Variants in HDGF observed in about 807,000 individuals in gnomAD.
HDGF encodes the protein heparin binding growth factor.
Under a neutral mutation model 30.0 loss-of-function variants are expected in HDGF, and 5 were observed. That is an observed-to-expected ratio of 0.17 (90% CI 0.09 to 0.35). The LOEUF (loss-of-function observed/expected upper bound fraction) is 0.35, where lower values mean the gene tolerates loss of function less well. HDGF is among the 10% of genes least tolerant of loss of function. HDGF has a pLI of 1.00. For missense variants in HDGF, 214 were observed against 302.8 expected (o/e 0.71, Z 2.18); for synonymous variants, 133 against 112.7 (o/e 1.18, Z -1.14).
In HDGF at chr1:156,751,053, T is replaced by A. The variant is rs948691578; in HGVS notation, c.87+290A>T. ...GGAGTATGGGGGCTGGGGGCGGAAC[T>A]GAGCACGCGGAGCTGGGGGCCGGGA... On this transcript the variant is annotated intron_variant, in intron 1 of 5. Coordinates refer to ENST00000357325, the MANE Select transcript of HDGF (RefSeq NM_004494.3). This position sits in a 1 kb window ranked among gnomAD's most constrained non-coding sequence, Gnocchi z 4.7. Among the ~76,000 whole-genome samples the A allele has an allele frequency of 6.6e-6, 1 of 151,764 alleles. No homozygotes were observed. The highest frequency in any genetic ancestry group is 1.5e-5 in the Non-Finnish European group (1 of 67,904).
intron 1 of HDGF, among the ~76,000 whole-genome samples, chr1:156,749,117 G>C (rs1457789988): frequency 3.9e-5 from 6 of 152,222 alleles, no homozygotes; most frequent in Non-Finnish European, 8.8e-5. Context: ...GGCAGGTCCT[G>C]CCTATCACGT....
upstream of HDGF, chr1:156,751,953 G>T: frequency 7.7e-7 from 1 of 1,294,884 alleles, no homozygotes; most frequent in Non-Finnish European, 1.1e-6. This position sits in a 1 kb window ranked among gnomAD's most constrained non-coding sequence, Gnocchi z 4.7. Flanking sequence ...CCCGCGGTCG[G>T]TGGGTGCCCG....
chr1:156,744,261 C>A lies in HDGF; in HGVS notation c.391G>T (p.Gly131Cys), dbSNP rs1650349817. 2 of 1,614,024 alleles carry A rather than the reference C, an allele frequency of 1.2e-6. No homozygotes were observed. The highest frequency in any genetic ancestry group is 2.7e-5 in the African/African-American group (2 of 74,914). Residue 131 changes from glycine to cysteine, a missense_variant, in exon 4 of 6, where the codon GGC becomes TGC. Physicochemically the swap from Gly to Cys is radical, Grantham distance 159. Around this residue, in one of 2 missense-constraint regions of HDGF, gnomAD observed 176 missense variants for 211.7 expected, o/e 0.83. Transcript: ENST00000357325. Reference sequence around the variant, plus strand: ...AGCTTCCCTTCCTCGTCGCTGCTGCCCTCTGCATTCCCCTTCTTATCACCG... The same window carrying A: ...AGCTTCCCTTCCTCGTCGCTGCTGCACTCTGCATTCCCCTTCTTATCACCG... Reference protein sequence around the residue: ...GDGDKKGNAEGSSDEEGKLVI... With the variant: ...GDGDKKGNAECSSDEEGKLVI...
At chr1:156,757,012 C>G (rs574945317), upstream of HDGF, among the ~76,000 whole-genome samples, 1 of 151,712 alleles carries the variant, frequency 6.6e-6, no homozygotes, top group Non-Finnish European at 1.5e-5. Context: ...AGGCTGGTCT[C>G]GAACTCCTGA....
At chr1:156,765,301 C>T (rs1446822725) in intron 1 of HDGF, among the ~76,000 whole-genome samples, 1 of 150,216 alleles carries the variant, frequency 6.7e-6, no homozygotes, top group Non-Finnish European at 1.5e-5. Flanking sequence ...CCATGTTGGT[C>T]AGGCTGGTCT....
intron 1 of HDGF, among the ~76,000 whole-genome samples, chr1:156,748,417 G>A (rs1412027145): frequency 2.0e-5 from 3 of 152,306 alleles, no homozygotes; most frequent in Middle Eastern, 6.8e-3. Context: ...CAAAACAAGT[G>A]AGTCAAGGCT....
At position 156,751,228 on chromosome 1, in the gene HDGF, C is replaced by T. The variant is rs1650956263; in HGVS notation, c.87+115G>A. On this transcript the variant is annotated intron_variant, in intron 1 of 5. Coordinates refer to ENST00000357325, the MANE Select transcript of HDGF (RefSeq NM_004494.3). The surrounding 1 kb of genome is among the most constrained non-coding windows in gnomAD (Gnocchi z 4.7). ...AAGCGACAGAGAAAGAGCCGGAGAC[C>T]TACAAGCCCCCTGCCCCCACCTCTG... 4 of 1,298,378 alleles carry T rather than the reference C, an allele frequency of 3.1e-6. No individual in the cohort carries two copies. Among genetic ancestry groups the T allele is most frequent in the Non-Finnish European group, 4.0e-6 (4 of 999,582 alleles). The allele number at this position is 1,298,378 out of a possible 1,614,324, so 80.4% of individuals were successfully genotyped here.
intron 2 of HDGF, among the ~76,000 whole-genome samples, chr1:156,757,972 G>T (rs1161601438): frequency 6.6e-6 from 1 of 152,050 alleles, no homozygotes; most frequent in Non-Finnish European, 1.5e-5. Flanking sequence ...AGTGGCTGTT[G>T]ACTGGAGCTG....
upstream of HDGF, among the ~76,000 whole-genome samples, chr1:156,757,138 T>C (rs947406519): frequency 6.6e-6 from 1 of 152,032 alleles, no homozygotes; most frequent in Non-Finnish European, 1.5e-5. Context: ...AGTTATTCTC[T>C]AAGTCTCTAC....
At chr1:156,758,461 C>T (rs1197546363) in intron 2 of HDGF, among the ~76,000 whole-genome samples, 7 of 151,688 alleles carry the variant, frequency 4.6e-5, no homozygotes, top group African/African-American at 1.4e-4. Context: ...GGCATGGTGG[C>T]GGGCACCTGT....
At chr1:156,749,078 G>A (rs1027557355) in intron 1 of HDGF, among the ~76,000 whole-genome samples, 2 of 152,238 alleles carry the variant, frequency 1.3e-5, no homozygotes, top group African/African-American at 4.8e-5. Context: ...GAAAGGAGAA[G>A]GTTAAGATGG....
At chr1:156,751,854 C>G, upstream of HDGF, 1 of 972,290 alleles carries the variant, frequency 1.0e-6, no homozygotes, top group Non-Finnish European at 1.4e-6. This position sits in a 1 kb window ranked among gnomAD's most constrained non-coding sequence, Gnocchi z 4.7. Context: ...CCTGCCACGG[C>G]CCAACGCCCA....
At chr1:156,751,835 C>A (rs1651003210), upstream of HDGF, 1 of 917,506 alleles carries the variant, frequency 1.1e-6, no homozygotes, top group South Asian at 2.5e-5. This position sits in a 1 kb window ranked among gnomAD's most constrained non-coding sequence, Gnocchi z 4.7. Context: ...AGCTTCTTGA[C>A]GCCCAGGGCC....
chr1:156,744,857 G>T (rs1410606741), intron 3 of HDGF, 151 bp downstream of exon 3: 1 of 883,598 alleles, frequency 1.1e-6, no homozygotes, highest in Non-Finnish European at 1.8e-6. Flanking sequence ...ATCCCTTCTT[G>T]CAGGAAGCCC....
At chr1:156,745,589 C>A (rs553836543) in intron 1 of HDGF, among the ~76,000 whole-genome samples, 2 of 152,168 alleles carry the variant, frequency 1.3e-5, no homozygotes, top group Admixed American at 1.3e-4. Flanking sequence ...CTTCCCTCTC[C>A]GTCACCAGCC....
rs759756389 is a variant in HDGF, at chr1:156,745,083, G to A, written c.228C>T (p.Pro76=). 1.4e-5 allele frequency: 22 copies of A among 1,613,774 alleles called. No individual in the cohort carries two copies. Among genetic ancestry groups the A allele is most frequent in the Non-Finnish European group, 1.8e-5 (21 of 1,180,002 alleles). Residue 76 remains proline (P), a synonymous_variant, in exon 3 of 6, where the codon CCC becomes CCT. Coordinates refer to ENST00000357325, the MANE Select transcript of HDGF (RefSeq NM_004494.3). ...CCTCGCTGAACCCTTTCCTCTTGTT[G>A]GGCTTGCCAAACTTCTCCTTGGATT... ...YEESKEKFGK[P]NKRKGFSEGL...
chr1:156,754,039 C>G (rs1037877244), upstream of HDGF, among the ~76,000 whole-genome samples: 5 of 152,016 alleles, frequency 3.3e-5, no homozygotes, highest in African/African-American at 7.2e-5. Flanking sequence ...CCCCAGCCTC[C>G]TGAGTAGCTG....
Position 156,745,452 on chromosome 1 carries a change from A to C in HDGF, c.88-79T>G, listed in dbSNP as rs977756529. The C allele has an allele frequency of 1.8e-5, 22 of 1,212,822 alleles. No homozygotes were observed. The African/African-American group carries it at 3.3e-4, about 18-fold the overall frequency. 75.1% of individuals were successfully genotyped at this position (1,212,822 alleles called of 1,614,324 possible). A position where few individuals can be genotyped will look rare whatever the true frequency, so the allele number is the denominator to read the frequency against. On this transcript the variant is annotated intron_variant, in intron 1 of 5. Coordinates refer to ENST00000357325, the MANE Select transcript of HDGF (RefSeq NM_004494.3). ...AGGCAGGGGTGCTGACCTCCAAGGC[A>C]CATTTATATAAAATCAGACTGAGAG... is the stretch of plus-strand genomic sequence containing the variant.
At chr1:156,758,591 T>TAAAAAAAA (rs1558039702) in intron 2 of HDGF, among the ~76,000 whole-genome samples, 1 of 9,182 alleles carries the variant, frequency 1.1e-4, no homozygotes, top group Admixed American at 1.2e-3. Flanking sequence ...AGACTCCGTC[T>TAAAAAAAA]CAAAAAAAAA....
Sources: gnomAD v4.1 joint callset for allele counts (sites outside exome capture counted in the v4.1 genomes callset) on GRCh38, gnomAD v4.1.1 for gene constraint, gnomAD v4.1.1 regional missense constraint, Gnocchi (gnomAD v3.1) non-coding constraint, MANE v1.5 for transcripts, NCBI Gene and HGNC (gene_info 2026-07-23, HGNC 2026-07-21) for gene names.